Variants in PTPRU observed in about 807,000 individuals in gnomAD.
The protein encoded by PTPRU is protein tyrosine phosphatase receptor type U, also known as receptor-type tyrosine-protein phosphatase U.
PTPRU carries 69 observed loss-of-function variants against 166.3 expected under a neutral mutation model. The ratio of observed to expected loss-of-function variants is 0.41; its 90% CI spans 0.34 to 0.51. PTPRU has a LOEUF of 0.51. PTPRU is among the 20% of genes least tolerant of loss of function. PTPRU has a pLI of 0.09. For synonymous variants in PTPRU, 793 were observed against 814.0 expected, an observed-to-expected ratio of 0.97 and a Z score of 0.44; for missense variants, 1,657 against 2,013.7, an observed-to-expected ratio of 0.82 and a Z score of 3.39.
chr1:29,259,701 G>T (rs72649290), intron 5 of PTPRU, 137 bp downstream of exon 5: 58,698 of 1,243,926 alleles, frequency 0.047, 1,539 homozygotes, highest in South Asian at 0.074. Flanking sequence ...CCCTCCCCTA[G>T]CTCTGCTCTG....
At chr1:29,290,209 C>T (rs907967528) in intron 14 of PTPRU, among the ~76,000 whole-genome samples, 4 of 152,240 alleles carry the variant, frequency 2.6e-5, no homozygotes, top group Non-Finnish European at 4.4e-5. Context: ...CTACAAGTCC[C>T]TTCTCCAGCC....
chr1:29,324,185 CATCT>C (rs769124954), intron 28 of PTPRU, among the ~76,000 whole-genome samples: 17 of 152,212 alleles, frequency 1.1e-4, no homozygotes, highest in Non-Finnish European at 2.2e-4. Flanking sequence ...TCCATCCATC[CATCT>C]GCATGCCCCA....
chr1:29,299,579 G>A (rs1266118496), intron 15 of PTPRU, among the ~76,000 whole-genome samples: 23 of 152,168 alleles, frequency 1.5e-4, no homozygotes, highest in Admixed American at 1.5e-3. Flanking sequence ...TTTCCAGGCG[G>A]GACTTTTTGC....
At chr1:29,255,021 G>GT (rs1225072598) in intron 1 of PTPRU, among the ~76,000 whole-genome samples, 2 of 152,192 alleles carry the variant, frequency 1.3e-5, no homozygotes, top group African/African-American at 4.8e-5. Context: ...GCCAGTGGTG[G>GT]TTGGGGGGTC....
In PTPRU at chr1:29,277,803, C is replaced by CTTTTTTTTTTTTTTTT. The variant is rs71586898; in HGVS notation, c.1454-1191_1454-1176dup. 1.4e-3 allele frequency among the ~76,000 whole-genome samples: 73 copies of CTTTTTTTTTTTTTTTT among 50,586 alleles called. 13 individuals are homozygous for CTTTTTTTTTTTTTTTT. The highest frequency in any genetic ancestry group is 0.019 in the Middle Eastern group (1 of 52). 33.2% of individuals were successfully genotyped at this position (50,586 alleles called of 152,430 possible). On this transcript the variant is annotated intron_variant, in intron 8 of 29. Transcript: ENST00000373779. ...ACCATCTGGCTTCACAGTTGTCATT[C>CTTTTTTTTTTTTTTTT]TTTTTTTTTTTTTTTTTTTTTTTTT...
chr1:29,319,134 G>C (rs1163451020), intron 25 of PTPRU, among the ~76,000 whole-genome samples: 3 of 152,198 alleles, frequency 2.0e-5, no homozygotes, highest in African/African-American at 7.2e-5. Flanking sequence ...TTGGTGGATG[G>C]AATGTGTGTG....
rs1405281577 is a variant in PTPRU, at chr1:29,323,796, C to A, written c.4112+8C>A. ...CACCATCGTGCACTGCCTGTGAGTACCTGCCCTGTGGGAGGGCGGGTGGAG... is the reference window on the plus strand; with the variant it reads ...CACCATCGTGCACTGCCTGTGAGTAACTGCCCTGTGGGAGGGCGGGTGGAG... On this transcript the variant is annotated splice_region_variant and intron_variant, in intron 28 of 29. Transcript: ENST00000373779. The A allele has an allele frequency of 1.2e-6, 2 of 1,613,682 alleles. No homozygotes were observed. Among genetic ancestry groups the A allele is most frequent in the Admixed American group, 1.7e-5 (1 of 60,004 alleles).
chr1:29,236,764 G>C lies in PTPRU; in HGVS notation c.73+47G>C. 1 of 1,375,976 alleles carries C rather than the reference G, an allele frequency of 7.3e-7. No individual in the cohort carries two copies. The highest frequency in any genetic ancestry group is 9.4e-7 in the Non-Finnish European group (1 of 1,063,440). The allele number at this position is 1,375,976 out of a possible 1,614,324, so 85.2% of individuals were successfully genotyped here. A position where few individuals can be genotyped will look rare whatever the true frequency, so the allele number is the denominator to read the frequency against. ...CGAGCCTGCCCCGCCGAGCCTCGGG[G>C]CCCGTGGCGTAGCTCGGAAGAAAGT... On this transcript the variant is annotated intron_variant, in intron 1 of 29. Transcript: ENST00000373779. The surrounding 1 kb of genome is among the most constrained non-coding windows in gnomAD (Gnocchi z 4.6).
chr1:29,307,936 T>A (rs950524381), intron 18 of PTPRU, among the ~76,000 whole-genome samples: 13 of 151,994 alleles, frequency 8.6e-5, no homozygotes, highest in African/African-American at 2.9e-4. Context: ...AATTTTTGTA[T>A]TTTTAGTAGA....
At chr1:29,293,727 A>G (rs9426311) in intron 15 of PTPRU, among the ~76,000 whole-genome samples, 43,941 of 146,438 alleles carry the variant, frequency 0.3, 7,696 homozygotes, top group East Asian at 0.65. Flanking sequence ...ACCTGCCTCG[A>G]CCTCCCAAAG....
rs35816572 is a variant in PTPRU, at chr1:29,315,334, C to T, written c.3228-38C>T. ...TCTCCTTAGTCCCGGGCTTCCTCCCCAAAGCTCTGACCTGGTCTGGGGCTG... is the reference window on the plus strand; with the variant it reads ...TCTCCTTAGTCCCGGGCTTCCTCCCTAAAGCTCTGACCTGGTCTGGGGCTG... On this transcript the variant is annotated intron_variant, in intron 22 of 29. Transcript: ENST00000373779. The surrounding 1 kb of genome is among the most constrained non-coding windows in gnomAD (Gnocchi z 4.5). The T allele has an allele frequency of 0.097, 156,495 of 1,611,972 alleles. 8,365 individuals carry two copies. The highest frequency in any genetic ancestry group is 0.18 in the Middle Eastern group (1,042 of 5,692).
In PTPRU at chr1:29,260,082, C is replaced by G; in HGVS notation, c.850+38C>G. 1.3e-5 allele frequency: 18 copies of G among 1,366,966 alleles called. No homozygotes were observed. The highest frequency in any genetic ancestry group is 1.7e-5 in the Non-Finnish European group (18 of 1,065,224). The allele number at this position is 1,366,966 out of a possible 1,614,324, so 84.7% of individuals were successfully genotyped here. A position where few individuals can be genotyped will look rare whatever the true frequency, so the allele number is the denominator to read the frequency against. ...ACGCCGGGGAGCGCCGGGACCTCACCCTCGAGGGGCGGGGCCGGCGACGGG... is the reference window on the plus strand; with the variant it reads ...ACGCCGGGGAGCGCCGGGACCTCACGCTCGAGGGGCGGGGCCGGCGACGGG... On this transcript the variant is annotated intron_variant, in intron 6 of 29. Transcript: ENST00000373779. This position sits in a 1 kb window ranked among gnomAD's most constrained non-coding sequence, Gnocchi z 8.3.
intron 14 of PTPRU, among the ~76,000 whole-genome samples, chr1:29,286,979 G>A (rs111817112): frequency 1.2e-3 from 177 of 152,276 alleles, no homozygotes; most frequent in African/African-American, 4.1e-3. Context: ...TGCTCCTCAG[G>A]GCTTTTGCAG....
At chr1:29,298,888 C>T (rs1402189086) in intron 15 of PTPRU, among the ~76,000 whole-genome samples, 1 of 152,122 alleles carries the variant, frequency 6.6e-6, no homozygotes, top group Non-Finnish European at 1.5e-5. Context: ...TACGGATATT[C>T]TAAGGAATAA....
chr1:29,258,353 C>CA (rs1286981596), intron 2 of PTPRU, 152 bp from the exon 3 acceptor site: 2 of 793,316 alleles, frequency 2.5e-6, no homozygotes, highest in Admixed American at 2.5e-5. Flanking sequence ...TGAAGGGACT[C>CA]ACCCAGGGAG....
chr1:29,314,454 C>G (rs1453664684), intron 22 of PTPRU, among the ~76,000 whole-genome samples: 3 of 152,204 alleles, frequency 2.0e-5, no homozygotes, highest in Non-Finnish European at 4.4e-5. Context: ...TTTGTCCACT[C>G]TCCTTCCCCC....
At chr1:29,307,129 A>G (rs772559981) in intron 18 of PTPRU, 2 of 1,613,446 alleles carry the variant, frequency 1.2e-6, no homozygotes, top group Non-Finnish European at 1.7e-6. Context: ...AATCATTAAG[A>G]TTCGGATAAA....
At chr1:29,273,752 T>G (rs1685677781) in intron 7 of PTPRU, among the ~76,000 whole-genome samples, 1 of 152,114 alleles carries the variant, frequency 6.6e-6, no homozygotes, top group Admixed American at 6.6e-5. Flanking sequence ...CATAGAGTCA[T>G]CAAGAAACCG....
In PTPRU at chr1:29,282,722, C is replaced by T. The variant is rs1380386412; in HGVS notation, c.1915C>T (p.Arg639Trp). ...VEEERARRLR[R>W]EPGGQDCFPV... is the part of the protein sequence containing the mutation. ...GGAGGAGCGGGCGCGGAGGCTGCGG[C>T]GGGAGCCAGGTGGACAGGACTGCTT... Residue 639 changes from arginine (R) to tryptophan (W), a missense_variant, in exon 12 of 30, where the codon CGG becomes TGG. Coordinates refer to ENST00000373779, the MANE Select transcript of PTPRU (RefSeq NM_133178.4). 9 of 1,613,510 alleles carry T rather than the reference C, an allele frequency of 5.6e-6. No homozygotes were observed. Among genetic ancestry groups the T allele is most frequent in the Admixed American group, 3.3e-5 (2 of 59,994 alleles).
Sources: gnomAD v4.1 joint callset for allele counts (sites outside exome capture counted in the v4.1 genomes callset) on GRCh38, gnomAD v4.1.1 for gene constraint, Gnocchi (gnomAD v3.1) non-coding constraint, MANE v1.5 for transcripts, NCBI Gene and HGNC (gene_info 2026-07-23, HGNC 2026-07-21) for gene names.